The following PPFIA4 variants were observed in gnomAD, a reference collection of about 807,000 sequenced individuals.
PPFIA4 encodes the protein liprin-alpha-4.
In PPFIA4, 98 loss-of-function variants were observed where a neutral mutation model predicts 145.7. The ratio of observed to expected loss-of-function variants is 0.67; its 90% CI spans 0.57 to 0.80. The LOEUF is 0.80. Among genes scored for constraint, PPFIA4 ranks in the 30% least tolerant of loss-of-function variants. PPFIA4 has a pLI of 0.00. For missense variants in PPFIA4, 1,457 were observed against 1,632.7 expected (o/e 0.89, Z 1.85); for synonymous variants, 628 against 649.6 (o/e 0.97, Z 0.51).
intron 15 of PPFIA4, 159 bp downstream of exon 15, chr1:203,054,120 C>A: frequency 1.2e-6 from 1 of 835,300 alleles, no homozygotes; most frequent in South Asian, 1.4e-5. Flanking sequence ...CTGCCAGTGC[C>A]GGAGTGAGAG....
intron 2 of PPFIA4, among the ~76,000 whole-genome samples, chr1:203,041,318 G>A (rs1411107504): frequency 6.6e-6 from 1 of 152,240 alleles, no homozygotes; most frequent in African/African-American, 2.4e-5. Context: ...TAGGCTGGGT[G>A]CAGTGCCTCA....
chr1:203,044,851 C>G lies in PPFIA4; in HGVS notation c.666+66C>G, dbSNP rs1659955368. 45 of 1,366,992 alleles carry G rather than the reference C, an allele frequency of 3.3e-5. 1 individual carries two copies. The South Asian group carries it at 5.6e-4, about 17-fold the overall frequency. The allele number at this position is 1,366,992 out of a possible 1,614,324, so 84.7% of individuals were successfully genotyped here. A position where few individuals can be genotyped will look rare whatever the true frequency, so the allele number is the denominator to read the frequency against. ...CCAAGGTGGGAGGTTGGAGGCCCGG[C>G]TCTGCCTTAGTTCAGTAGACTAACT... On this transcript the variant is annotated intron_variant, in intron 6 of 29. Coordinates refer to ENST00000295706, the MANE Select transcript of PPFIA4 (RefSeq NM_001304331.2).
Position 203,056,784 on chromosome 1 carries a change from T to A in PPFIA4, c.2241T>A (p.Ser747Arg), listed in dbSNP as rs2102663206. ...HPALSQEEGK[S>R]ALEDQGSNPS... ...CCCCCTTCTGGCTGTCACCCTGTAGTGCCTTGGAGGATCAGGGCAGCAACC... is the reference window on the plus strand; with the variant it reads ...CCCCCTTCTGGCTGTCACCCTGTAGAGCCTTGGAGGATCAGGGCAGCAACC... The change falls in exon 19 of 30, where the codon AGT becomes AGA. Residue 747 changes from serine to arginine, a missense_variant and splice_region_variant. By Grantham distance (110) the Ser-to-Arg change is moderately radical. Transcript: ENST00000295706. The A allele has an allele frequency of 6.2e-7, 1 of 1,603,418 alleles. No homozygotes were observed. Among genetic ancestry groups the A allele is most frequent in the Non-Finnish European group, 8.5e-7 (1 of 1,173,226 alleles).
intron 13 of PPFIA4, chr1:203,051,364 C>A (rs952214240): frequency 6.2e-6 from 6 of 968,692 alleles, no homozygotes; most frequent in Non-Finnish European, 7.4e-6. Flanking sequence ...CTCTAGACAT[C>A]ATCCCTTCCA....
intron 19 of PPFIA4, 64 bp downstream of exon 19, chr1:203,057,014 A>G (rs1661016195): frequency 6.3e-7 from 1 of 1,596,342 alleles, no homozygotes; most frequent in African/African-American, 1.3e-5. Context: ...AGGAAGGTGT[A>G]CTTGGACTGG....
rs777522389 is a variant in PPFIA4 at position 203,060,465 on chromosome 1, A to G, written c.2784+48A>G. ...AGGACATTTTCAGAGGTCCTGGAACATAGTTTGCAAGGTCTCCTGTTGGGC... is the reference window on the plus strand; with the variant it reads ...AGGACATTTTCAGAGGTCCTGGAACGTAGTTTGCAAGGTCTCCTGTTGGGC... On this transcript the variant is annotated intron_variant, in intron 22 of 29. Coordinates refer to ENST00000295706, the MANE Select transcript of PPFIA4 (RefSeq NM_001304331.2). This position sits in a 1 kb window ranked among gnomAD's most constrained non-coding sequence, Gnocchi z 4.8. 5.7e-6 allele frequency: 9 copies of G among 1,590,474 alleles called. No individual in the cohort carries two copies. In the South Asian group the frequency reaches 6.6e-5, roughly 12 times the overall value.
intron 13 of PPFIA4, chr1:203,051,122 C>T (rs1390455258): frequency 2.0e-6 from 2 of 985,028 alleles, no homozygotes; most frequent in Non-Finnish European, 2.4e-6. Context: ...TCCAGATATT[C>T]CAGGGGATTG....
At position 203,075,816 on chromosome 1, in the gene PPFIA4, G is replaced by A. The variant is rs1662493780; in HGVS notation, c.3574+59G>A. 1.5e-6 allele frequency: 2 copies of A among 1,336,518 alleles called. No homozygotes were observed. The highest frequency in any genetic ancestry group is 3.1e-5 in the African/African-American group (2 of 64,800). The allele number at this position is 1,336,518 out of a possible 1,614,324, so 82.8% of individuals were successfully genotyped here. ...CCAGCCGAGCGCGGGCTTCTTCCTG[G>A]CACCCCAGGGCCGGGCCGGGTGGAG... On this transcript the variant is annotated intron_variant, in intron 29 of 29. Transcript: ENST00000295706. This position sits in a 1 kb window ranked among gnomAD's most constrained non-coding sequence, Gnocchi z 4.1.
intron 1 of PPFIA4, among the ~76,000 whole-genome samples, chr1:203,031,475 C>T (rs1041760051): frequency 2.1e-4 from 32 of 152,148 alleles, no homozygotes; most frequent in African/African-American, 7.7e-4. Context: ...ATTCTCTTTT[C>T]GTACTGCCCG....
chr1:203,076,108 C>T (rs553705536), intron 29 of PPFIA4: 81 of 602,440 alleles, frequency 1.3e-4, no homozygotes, highest in African/African-American at 1.3e-3. Context: ...ACGCGGGCAC[C>T]TTGCTGCTGG....
intron 1 of PPFIA4, among the ~76,000 whole-genome samples, chr1:203,027,460 C>T (rs938657272): frequency 1.3e-5 from 2 of 152,132 alleles, no homozygotes; most frequent in African/African-American, 4.8e-5. Context: ...GAGCTGATGT[C>T]ACCTTTGAGG....
chr1:203,030,271 G>A (rs998114896), intron 1 of PPFIA4, among the ~76,000 whole-genome samples: 3 of 152,132 alleles, frequency 2.0e-5, no homozygotes, highest in Admixed American at 6.5e-5. Flanking sequence ...GCCCTTCTGA[G>A]TCCAGGTGTG....
Position 203,075,460 on chromosome 1 carries a change from T to C in PPFIA4, c.3394-117T>C, listed in dbSNP as rs1018663246. 4 of 831,720 alleles carry C rather than the reference T, an allele frequency of 4.8e-6. No homozygotes were observed. The highest frequency in any genetic ancestry group is 6.5e-6 in the Non-Finnish European group (4 of 614,436). The allele number at this position is 831,720 out of a possible 1,614,324, so 51.5% of individuals were successfully genotyped here. The stretch of plus-strand genomic sequence containing the variant: ...AGGGGAAGTGACCTCGCTCCCTCTT[T>C]CCAAAGGGGTGGGAGTGGTGCCCCT... On this transcript the variant is annotated intron_variant, in intron 28 of 29. Transcript: ENST00000295706. This position sits in a 1 kb window ranked among gnomAD's most constrained non-coding sequence, Gnocchi z 4.1.
chr1:203,044,211 A>G (rs1659902543), intron 4 of PPFIA4, 116 bp downstream of exon 4: 1 of 1,279,780 alleles, frequency 7.8e-7, no homozygotes, highest in Non-Finnish European at 1.1e-6. Flanking sequence ...CCCTCCAAAC[A>G]TTGTCTTAAC....
Position 203,067,709 on chromosome 1 carries a change from A to G in PPFIA4, c.3065A>G (p.Tyr1022Cys). Residue 1022 changes from tyrosine (Y) to cysteine (C), a missense_variant, in exon 26 of 30, where the codon TAT becomes TGT. Around this residue, in one of 3 missense-constraint regions of PPFIA4, gnomAD observed 848 missense variants for 1,046.7 expected, o/e 0.81. Coordinates refer to ENST00000295706, the MANE Select transcript of PPFIA4 (RefSeq NM_001304331.2). ...VDSFHRTSLQ[Y>C]GIMCLKRLNY... ...TGTGCCTGCAGAACCAGTCTTCAGT[A>G]TGGCATCATGTGTCTGAAGAGGCTG... is the stretch of plus-strand genomic sequence containing the variant. The G allele has an allele frequency of 6.2e-7, 1 of 1,613,842 alleles. No homozygotes were observed. The highest frequency in any genetic ancestry group is 8.5e-7 in the Non-Finnish European group (1 of 1,179,828).
In PPFIA4 at chr1:203,059,089, C is replaced by T; in HGVS notation, c.2408-89C>T. The T allele has an allele frequency of 5.8e-6, 6 of 1,041,592 alleles. No homozygotes were observed. In the South Asian group the frequency reaches 8.4e-5, roughly 15 times the overall value. The allele number at this position is 1,041,592 out of a possible 1,614,324, so 64.5% of individuals were successfully genotyped here. A position where few individuals can be genotyped will look rare whatever the true frequency, so the allele number is the denominator to read the frequency against. On this transcript the variant is annotated intron_variant, in intron 19 of 29. Transcript: ENST00000295706. The stretch of plus-strand genomic sequence containing the variant: ...CCATGGGTTGTCCTCTGCCAAGGAG[C>T]CTCCTGCTGCTTCTGTTCCCCACCC...
chr1:203,040,528 C>T (rs559543129), intron 2 of PPFIA4, among the ~76,000 whole-genome samples: 1 of 152,318 alleles, frequency 6.6e-6, no homozygotes, highest in South Asian at 2.1e-4. Flanking sequence ...GTGCACGAGG[C>T]TCTGAAGTTG....
intron 4 of PPFIA4, 99 bp downstream of exon 4, chr1:203,044,194 A>T: frequency 7.6e-7 from 1 of 1,321,162 alleles, no homozygotes; most frequent in Non-Finnish European, 1.0e-6. Context: ...TTTAGGGAGC[A>T]CTGGCTCCCT....
chr1:203,077,029 A>G lies in PPFIA4; in HGVS notation c.*639A>G, dbSNP rs912990260. The G allele has an allele frequency of 1.3e-5, 2 of 152,748 alleles. No individual in the cohort carries two copies. The highest frequency in any genetic ancestry group is 2.4e-5 in the African/African-American group (1 of 41,438). The allele number at this position is 152,748 out of a possible 1,614,324, so 9.5% of individuals were successfully genotyped here. On this transcript the variant is annotated 3_prime_UTR_variant, in exon 30 of 30. Coordinates refer to ENST00000295706, the MANE Select transcript of PPFIA4 (RefSeq NM_001304331.2). ...GCTGGGAGGAGGAAGACTGAGGTAGAGATTCCAGGCCCTGGCATAAGCTGA... is the reference window on the plus strand; with the variant it reads ...GCTGGGAGGAGGAAGACTGAGGTAGGGATTCCAGGCCCTGGCATAAGCTGA...
Sources: allele counts gnomAD v4.1 joint callset (sites outside exome capture counted in the v4.1 genomes callset), GRCh38; gene constraint gnomAD v4.1.1; regional missense constraint gnomAD v4.1.1; non-coding constraint Gnocchi (gnomAD v3.1); transcripts MANE v1.5; gene names NCBI Gene and HGNC (gene_info 2026-07-23, HGNC 2026-07-21).